ERBB4: variants seen among roughly 807,000 people sequenced by gnomAD.
ERBB4 encodes receptor tyrosine-protein kinase erbB-4.
ERBB4 carries 42 observed loss-of-function variants against 158.0 expected under a neutral mutation model. The observed-to-expected ratio is 0.27, with a 90% CI of 0.21 to 0.34. ERBB4 has a LOEUF of 0.34. ERBB4 is among the 10% of genes least tolerant of loss of function. ERBB4 has a pLI of 1.00. For synonymous variants in ERBB4, 583 were observed against 558.7 expected (o/e 1.04, Z -0.61); for missense variants, 1,333 against 1,624.1 (o/e 0.82, Z 3.08).
At chr2:211,827,292 T>C (rs186871286) in intron 3 of ERBB4, among the ~76,000 whole-genome samples, 2 of 152,216 alleles carry the variant, frequency 1.3e-5, no homozygotes, top group East Asian at 3.9e-4. Flanking sequence ...TGGAGTTACC[T>C]AAGAGCTCTT....
At chr2:212,332,200 G>T (rs2088210843) in intron 1 of ERBB4, among the ~76,000 whole-genome samples, 2 of 151,984 alleles carry the variant, frequency 1.3e-5, no homozygotes, top group Admixed American at 1.3e-4. Flanking sequence ...TCTCATGGTA[G>T]TGAGTAAGCC....
intron 3 of ERBB4, among the ~76,000 whole-genome samples, chr2:211,880,161 T>A (rs926967094): frequency 6.6e-6 from 1 of 152,102 alleles, no homozygotes; most frequent in Admixed American, 6.6e-5. Flanking sequence ...AGTGTTTTGT[T>A]TTCTTCTGTC....
intron 1 of ERBB4, among the ~76,000 whole-genome samples, chr2:212,248,465 A>G (rs994309913): frequency 1.3e-5 from 2 of 152,276 alleles, no homozygotes; most frequent in Non-Finnish European, 2.9e-5. Context: ...TGTCAATGAT[A>G]AAACTTGGTC....
At chr2:212,185,014 T>G (rs1212459184) in intron 1 of ERBB4, among the ~76,000 whole-genome samples, 1 of 140,602 alleles carries the variant, frequency 7.1e-6, no homozygotes, top group East Asian at 1.9e-4. Flanking sequence ...CACAGTTACT[T>G]TTTTTTCTTT....
intron 1 of ERBB4, among the ~76,000 whole-genome samples, chr2:212,387,146 T>C (rs748112179): frequency 6.6e-6 from 1 of 152,166 alleles, no homozygotes; most frequent in Non-Finnish European, 1.5e-5. Flanking sequence ...AGATATTATA[T>C]GTATCTGTCT....
At chr2:212,048,702 T>C (rs1198858973) in intron 2 of ERBB4, among the ~76,000 whole-genome samples, 5 of 152,120 alleles carry the variant, frequency 3.3e-5, no homozygotes, top group Non-Finnish European at 7.4e-5. Flanking sequence ...AAAGTGAAGG[T>C]GTCACGTAGT....
At chr2:211,456,902 G>A (rs757855542) in intron 20 of ERBB4, among the ~76,000 whole-genome samples, 3 of 152,112 alleles carry the variant, frequency 2.0e-5, no homozygotes, top group Non-Finnish European at 4.4e-5. Flanking sequence ...TCTGCTCTGC[G>A]GCCTGTATGG....
intron 19 of ERBB4, among the ~76,000 whole-genome samples, chr2:211,610,064 C>T (rs1029055161): frequency 1.2e-4 from 18 of 151,544 alleles, no homozygotes; most frequent in African/African-American, 3.9e-4. Flanking sequence ...GCCATGTGAT[C>T]ATTGTAATAA....
chr2:212,198,233 T>G (rs1406301176), intron 1 of ERBB4, among the ~76,000 whole-genome samples: 1 of 152,172 alleles, frequency 6.6e-6, no homozygotes, highest in Non-Finnish European at 1.5e-5. Flanking sequence ...TATTTACCAT[T>G]TTATCCATTT....
chr2:212,125,231 C>G lies in ERBB4; in HGVS notation c.83-328G>C, dbSNP rs920408868. On this transcript the variant is annotated intron_variant, in intron 1 of 27. Coordinates refer to ENST00000342788, the MANE Select transcript of ERBB4 (RefSeq NM_005235.3). ...TATTTAAACATTTTTTTTTTTAGGA[C>G]ATATGATTTACTCTGTTTTCTAATT... is the stretch of plus-strand genomic sequence containing the variant. 7.0e-5 allele frequency: 16 copies of G among 228,372 alleles called. No individual in the cohort carries two copies. The East Asian group carries it at 1.4e-3, about 21-fold the overall frequency. The allele number at this position is 228,372 out of a possible 1,614,324, so 14.1% of individuals were successfully genotyped here.
At chr2:211,652,975 A>G (rs2071055710) in intron 16 of ERBB4, among the ~76,000 whole-genome samples, 1 of 150,460 alleles carries the variant, frequency 6.6e-6, no homozygotes, top group South Asian at 2.1e-4. Context: ...CAAACAAACA[A>G]AAAAAAATCT....
intron 2 of ERBB4, among the ~76,000 whole-genome samples, chr2:212,054,353 T>C (rs553821623): frequency 2.0e-5 from 3 of 152,026 alleles, no homozygotes; most frequent in South Asian, 4.1e-4. Context: ...GTAGGCCACA[T>C]AGGATAAAAA....
rs201530818 is a variant in ERBB4 at position 212,242,674 on chromosome 2, C to CA, written c.83-117772dup. Among the ~76,000 whole-genome samples, 581 of 146,406 alleles carry CA rather than the reference C, an allele frequency of 4.0e-3. 4 individuals are homozygous for CA. The highest frequency in any genetic ancestry group is 0.024 in the Middle Eastern group (7 of 286). ...TAGCATGTTACCATGAGTGAAAAAACAAAAAAAAAATACACTGAATTCTCA... is the reference window on the plus strand; with the variant it reads ...TAGCATGTTACCATGAGTGAAAAAACAAAAAAAAAAATACACTGAATTCTCA... On this transcript the variant is annotated intron_variant, in intron 1 of 27. Coordinates refer to ENST00000342788, the MANE Select transcript of ERBB4 (RefSeq NM_005235.3).
chr2:212,271,683 C>T (rs745601481), intron 1 of ERBB4, among the ~76,000 whole-genome samples: 2 of 151,742 alleles, frequency 1.3e-5, no homozygotes, highest in Non-Finnish European at 2.9e-5. Context: ...CAAGAGGTCA[C>T]TTCCCAGTAG....
At chr2:212,184,863 A>C (rs1454562419) in intron 1 of ERBB4, among the ~76,000 whole-genome samples, 1 of 151,978 alleles carries the variant, frequency 6.6e-6, no homozygotes, top group African/African-American at 2.4e-5. Flanking sequence ...TTTTTTTCTT[A>C]GATTCTAGTC....
intron 11 of ERBB4, among the ~76,000 whole-genome samples, chr2:211,702,982 G>A (rs1055011078): frequency 2.0e-5 from 3 of 151,932 alleles, no homozygotes; most frequent in African/African-American, 4.8e-5. Context: ...ATTCTCTAAA[G>A]AATAAACATG....
intron 20 of ERBB4, among the ~76,000 whole-genome samples, chr2:211,471,376 G>A (rs2125526374): frequency 6.6e-6 from 1 of 152,244 alleles, no homozygotes; most frequent in East Asian, 1.9e-4. Context: ...ATTGTGCAGT[G>A]TATTGCTTCT....
intron 19 of ERBB4, among the ~76,000 whole-genome samples, chr2:211,574,799 C>T (rs1574784086): frequency 6.6e-6 from 1 of 152,198 alleles, no homozygotes; most frequent in East Asian, 1.9e-4. Context: ...AGACCTGTCA[C>T]TTGGTTCACT....
At chr2:211,823,321 G>A (rs1192286834) in intron 3 of ERBB4, among the ~76,000 whole-genome samples, 2 of 151,648 alleles carry the variant, frequency 1.3e-5, no homozygotes, top group African/African-American at 4.8e-5. Flanking sequence ...AGTGTATGTG[G>A]GTTTTGCGAT....
Sources: gnomAD v4.1 joint callset for allele counts (sites outside exome capture counted in the v4.1 genomes callset) on GRCh38, gnomAD v4.1.1 for gene constraint, MANE v1.5 for transcripts, NCBI Gene and HGNC (gene_info 2026-07-23, HGNC 2026-07-21) for gene names.